The following BRWD1 variants were observed in gnomAD, a reference collection of about 807,000 sequenced individuals.
The protein encoded by BRWD1 is bromodomain and WD repeat domain containing 1, also known as bromodomain and WD repeat-containing protein 1.
Under a neutral mutation model 251.2 loss-of-function variants are expected in BRWD1, and 82 were observed. The ratio of observed to expected loss-of-function variants is 0.33; its 90% confidence interval spans 0.27 to 0.39. BRWD1 has a LOEUF of 0.39. BRWD1 is among the 10% of genes least tolerant of loss of function. BRWD1 has a pLI of 1.00. For missense variants in BRWD1, 2,233 were observed against 2,711.6 expected (o/e 0.82, Z 3.92); for synonymous variants, 918 against 902.8 (o/e 1.02, Z -0.30).
In BRWD1 at chr21:39,196,833, G is replaced by A. The variant is rs748669193; in HGVS notation, c.6236C>T (p.Ala2079Val). 2 of 1,613,522 alleles carry A rather than the reference G, an allele frequency of 1.2e-6. No individual in the cohort carries two copies. Among genetic ancestry groups the A allele is most frequent in the Non-Finnish European group, 1.7e-6 (2 of 1,179,922 alleles). The change falls in exon 41 of 41, where the codon GCT (alanine) becomes GTT (valine). Residue 2079 changes from alanine to valine, a missense_variant. Around this residue, in one of 12 missense-constraint regions of BRWD1, gnomAD observed 928 missense variants for 970.0 expected, o/e 0.96. Transcript: ENST00000342449. Reference protein sequence around the residue: ...FSSESTLAQKATAENNFEVEL... With the variant: ...FSSESTLAQKVTAENNFEVEL... ...CACTTCAAAATTATTCTCTGCAGTA[G>A]CTTTTTGTGCCAAGGTTGACTCTGA...
chr21:39,316,564 A>G (rs1007208956), upstream of BRWD1, among the ~76,000 whole-genome samples: 5 of 152,210 alleles, frequency 3.3e-5, no homozygotes, highest in Admixed American at 6.5e-5. Flanking sequence ...TATTACAAGA[A>G]TTTATATCCC....
chr21:39,274,049 C>T (rs1310067081), intron 13 of BRWD1, among the ~76,000 whole-genome samples: 2 of 152,132 alleles, frequency 1.3e-5, no homozygotes, highest in East Asian at 1.9e-4. Context: ...AATTTCCACT[C>T]TTAACGTACT....
rs2031680669 is a variant in BRWD1, at chr21:39,193,900, T to G, written c.*2359A>C. 3.0e-6 allele frequency: 3 copies of G among 985,518 alleles called. No individual in the cohort carries two copies. The highest frequency in any genetic ancestry group is 2.4e-6 in the Non-Finnish European group (2 of 829,670). The allele number at this position is 985,518 out of a possible 1,614,324, so 61.0% of individuals were successfully genotyped here. ...GAGTGTGTGTGTCACATATTCAAAG[T>G]TAACCTTAGGAATAGCACCATAACC... On this transcript the variant is annotated 3_prime_UTR_variant, in exon 41 of 41. Transcript: ENST00000342449.
At position 39,255,633 on chromosome 21, in the gene BRWD1, C is replaced by T; in HGVS notation, c.2255+12G>A. ...AGATAGAAACATTATAAATAGATAT[C>T]CTAAAACAAACCTAAATATGCCTAG... On this transcript the variant is annotated intron_variant, in intron 19 of 40. Transcript: ENST00000342449. 1 of 1,606,426 alleles carries T rather than the reference C, an allele frequency of 6.2e-7. No homozygotes were observed. Among genetic ancestry groups the T allele is most frequent in the South Asian group, 1.1e-5 (1 of 90,892 alleles).
At chr21:39,276,086 TACA>T (rs2035271890) in intron 12 of BRWD1, 84 bp downstream of exon 12, 5 of 1,165,538 alleles carry the variant, frequency 4.3e-6, no homozygotes, top group Non-Finnish European at 5.8e-6. Flanking sequence ...AAAAAATACA[TACA>T]AAATGACAGG....
chr21:39,214,103 G>C (rs966054130), intron 32 of BRWD1, among the ~76,000 whole-genome samples: 1 of 151,994 alleles, frequency 6.6e-6, no homozygotes, highest in Admixed American at 6.6e-5. Context: ...GGTAACTTAC[G>C]TATGAGTCTC....
At chr21:39,301,892 C>CG (rs34079499) in intron 4 of BRWD1, among the ~76,000 whole-genome samples, 35,421 of 126,844 alleles carry the variant, frequency 0.28, 5,457 homozygotes, top group Middle Eastern at 0.39. Flanking sequence ...TTTACTGTGC[C>CG]GAAAAAAAAA....
At chr21:39,246,850 A>C in intron 21 of BRWD1, among the ~76,000 whole-genome samples, 1 of 152,232 alleles carries the variant, frequency 6.6e-6, no homozygotes, top group East Asian at 1.9e-4. Flanking sequence ...TGGGAGGCCG[A>C]GGCAGGTGGA....
chr21:39,320,986 C>T (rs998898302), intron 1 of BRWD1: 1 of 151,610 alleles, frequency 6.6e-6, no homozygotes, highest in African/African-American at 2.4e-5. Context: ...ACTTTTATAT[C>T]ATACATGCAA....
intron 12 of BRWD1, among the ~76,000 whole-genome samples, chr21:39,274,713 A>C (rs1045108562): frequency 6.6e-6 from 1 of 152,214 alleles, no homozygotes; most frequent in African/African-American, 2.4e-5. Flanking sequence ...ATAGCTTTTC[A>C]AACAGATTAA....
chr21:39,268,350 A>G (rs1020205897), intron 15 of BRWD1, among the ~76,000 whole-genome samples: 3 of 151,722 alleles, frequency 2.0e-5, no homozygotes, highest in Non-Finnish European at 4.4e-5. Context: ...CTGAGGCAGC[A>G]GAATCACTTG....
At chr21:39,206,332 A>C (rs1458915182) in intron 36 of BRWD1, 58 bp from the exon 37 acceptor site, 6 of 1,259,040 alleles carry the variant, frequency 4.8e-6, no homozygotes, top group Admixed American at 2.4e-5. Flanking sequence ...TACTTAAGAA[A>C]TAATTGTAAT....
At chr21:39,230,056 A>G (rs2033549540) in intron 25 of BRWD1, among the ~76,000 whole-genome samples, 1 of 152,186 alleles carries the variant, frequency 6.6e-6, no homozygotes, top group African/African-American at 2.4e-5. Context: ...ATTTTTATTT[A>G]TATAGCTTTA....
intron 4 of BRWD1, among the ~76,000 whole-genome samples, chr21:39,302,485 A>T (rs1048782211): frequency 4.6e-5 from 7 of 152,122 alleles, no homozygotes; most frequent in Non-Finnish European, 7.4e-5. Flanking sequence ...GGCTGAGAGC[A>T]GTGGCTCAGA....
At chr21:39,198,347 TTTTA>T (rs1319859022) in intron 40 of BRWD1, among the ~76,000 whole-genome samples, 2 of 152,318 alleles carry the variant, frequency 1.3e-5, no homozygotes, top group East Asian at 3.9e-4. Flanking sequence ...TCAGTAACTG[TTTTA>T]TTTGCTATTA....
chr21:39,190,729 A>G lies in BRWD1; in HGVS notation c.*5530T>C. The stretch of plus-strand genomic sequence containing the variant: ...AAGTACCCCAATGGCTGTAGAATAA[A>G]ATGGTTTCTGTAACTTGCTGTGTTT... On this transcript the variant is annotated 3_prime_UTR_variant, in exon 41 of 41. Coordinates refer to ENST00000342449, the MANE Select transcript of BRWD1 (RefSeq NM_033656.4). 1 of 985,416 alleles carries G rather than the reference A, an allele frequency of 1.0e-6. No homozygotes were observed. The highest frequency in any genetic ancestry group is 1.2e-6 in the Non-Finnish European group (1 of 829,914). 61.0% of individuals were successfully genotyped at this position (985,416 alleles called of 1,614,324 possible). A position where few individuals can be genotyped will look rare whatever the true frequency, so the allele number is the denominator to read the frequency against.
chr21:39,284,936 TTGTC>T (rs1284234465), intron 8 of BRWD1, among the ~76,000 whole-genome samples: 1 of 152,248 alleles, frequency 6.6e-6, no homozygotes, highest in African/African-American at 2.4e-5. Flanking sequence ...GTAATCCCAT[TTGTC>T]TGTTTTTGCT....
Position 39,186,862 on chromosome 21 carries a change from CTG to C in BRWD1, c.*9395_*9396del. On this transcript the variant is annotated 3_prime_UTR_variant, in exon 41 of 41. Transcript: ENST00000342449. ...CCTCAGAATTCCCCAGAGCACATGTCTGTACAAGAGCTGACTGGGAGGAACCC... is the reference window on the plus strand; with the variant it reads ...CCTCAGAATTCCCCAGAGCACATGTCTACAAGAGCTGACTGGGAGGAACCC... 1.7e-6 allele frequency: 2 copies of C among 1,194,992 alleles called. No homozygotes were observed. The highest frequency in any genetic ancestry group is 2.2e-6 in the Non-Finnish European group (2 of 894,910). 74.0% of individuals were successfully genotyped at this position (1,194,992 alleles called of 1,614,324 possible).
In BRWD1 at chr21:39,210,943, C is replaced by A; in HGVS notation, c.3901-14G>T. On this transcript the variant is annotated splice_polypyrimidine_tract_variant and intron_variant, in intron 34 of 40. Transcript: ENST00000342449. ...CCCATCATGGACCTAAAAATACATT[C>A]ACAGTCTTAAGAAAAATCACACTAT... is the stretch of plus-strand genomic sequence containing the variant. The A allele has an allele frequency of 6.2e-7, 1 of 1,606,792 alleles. No individual in the cohort carries two copies. Among genetic ancestry groups the A allele is most frequent in the South Asian group, 1.1e-5 (1 of 89,836 alleles).
Sources: allele counts gnomAD v4.1 joint callset (sites outside exome capture counted in the v4.1 genomes callset), GRCh38; gene constraint gnomAD v4.1.1; regional missense constraint gnomAD v4.1.1; transcripts MANE v1.5; gene names NCBI Gene and HGNC (gene_info 2026-07-23, HGNC 2026-07-21).